RIMBP2: variants seen among roughly 807,000 people sequenced by gnomAD.
RIMBP2 encodes the protein RIMS-binding protein 2.
A neutral mutation model predicts 118.6 loss-of-function variants in RIMBP2; 48 were observed. That is an observed-to-expected ratio of 0.40 (90% CI 0.32 to 0.51). The LOEUF is 0.51. Among genes scored for constraint, RIMBP2 ranks in the 20% least tolerant of loss-of-function variants. RIMBP2 has a pLI of 0.41. For synonymous variants in RIMBP2, 762 were observed against 742.9 expected, an observed-to-expected ratio of 1.03 and a Z score of -0.42; for missense variants, 1,551 against 1,768.3, an observed-to-expected ratio of 0.88 and a Z score of 2.20.
chr12:130,622,283 C>G lies in RIMBP2; in HGVS notation c.-217+6039G>C, dbSNP rs1052035161. On this transcript the variant is annotated intron_variant, in intron 2 of 22. Transcript: ENST00000690449. The surrounding 1 kb of genome is among the most constrained non-coding windows in gnomAD (Gnocchi z 8.5). ...TAGGAGGTTCCGGGGAACAGAGTCC[C>G]CAAACATCACAAGTTTTGCCATCTC... is the stretch of plus-strand genomic sequence containing the variant. 6.6e-6 allele frequency among the ~76,000 whole-genome samples: 1 copy of G among 152,110 alleles called. No individual in the cohort carries two copies. The highest frequency in any genetic ancestry group is 1.5e-5 in the Non-Finnish European group (1 of 68,018).
chr12:130,413,089 G>A (rs893663260), intron 18 of RIMBP2, among the ~76,000 whole-genome samples: 1 of 152,070 alleles, frequency 6.6e-6, no homozygotes, highest in East Asian at 1.9e-4. Context: ...CACATTAAAA[G>A]GGTGTGTGAT....
At chr12:130,596,996 G>A (rs2059600070) in intron 2 of RIMBP2, among the ~76,000 whole-genome samples, 1 of 152,096 alleles carries the variant, frequency 6.6e-6, no homozygotes, top group African/African-American at 2.4e-5. Context: ...GTTTTGCTGG[G>A]GATTTCTAAC....
chr12:130,560,584 C>T (rs1051053448), intron 2 of RIMBP2, among the ~76,000 whole-genome samples: 10 of 152,220 alleles, frequency 6.6e-5, no homozygotes, highest in Admixed American at 3.9e-4. Context: ...CCATGGGTTA[C>T]GCTTTCCCCA....
At chr12:130,566,175 GCACACA>G (rs3047801) in intron 2 of RIMBP2, among the ~76,000 whole-genome samples, 7 of 148,212 alleles carry the variant, frequency 4.7e-5, no homozygotes, top group East Asian at 4.0e-4. Flanking sequence ...ATACACACAT[GCACACA>G]CACACACACA....
In RIMBP2 at chr12:130,445,156, A is replaced by G; in HGVS notation, c.691+4T>C. The G allele has an allele frequency of 6.3e-7, 1 of 1,588,354 alleles. No homozygotes were observed. The highest frequency in any genetic ancestry group is 8.6e-7 in the Non-Finnish European group (1 of 1,165,238). On this transcript the variant is annotated splice_donor_region_variant and intron_variant, in intron 10 of 22. Coordinates refer to ENST00000690449, the MANE Select transcript of RIMBP2 (RefSeq NM_001393629.1). ...GTCCGCCACAGCCATGTTCCAACAG[A>G]GACCTTCATAGAACCCATCCTCATC...
At chr12:130,487,865 G>A (rs918825563) in intron 4 of RIMBP2, among the ~76,000 whole-genome samples, 8 of 151,984 alleles carry the variant, frequency 5.3e-5, no homozygotes, top group African/African-American at 1.9e-4. Flanking sequence ...TAAAACATCT[G>A]TCCCACGCCC....
At chr12:130,456,747 T>G in intron 6 of RIMBP2, 47 bp from the exon 7 acceptor site, 2 of 1,429,626 alleles carry the variant, frequency 1.4e-6, no homozygotes, top group Non-Finnish European at 1.9e-6. Context: ...CATTTGGTGG[T>G]GGAAATGTGT....
chr12:130,571,435 TTGGA>T (rs2057649198), intron 2 of RIMBP2, among the ~76,000 whole-genome samples: 1 of 151,144 alleles, frequency 6.6e-6, no homozygotes, highest in African/African-American at 2.4e-5. Context: ...TTTTTTTTTT[TTGGA>T]GACAGAGTCT....
intron 10 of RIMBP2, among the ~76,000 whole-genome samples, chr12:130,443,954 A>G (rs1333949359): frequency 1.3e-5 from 2 of 152,304 alleles, no homozygotes; most frequent in East Asian, 1.9e-4. Flanking sequence ...TCTCCATTCT[A>G]TAGCAGAGGA....
chr12:130,404,034 T>C (rs568765208), intron 21 of RIMBP2, among the ~76,000 whole-genome samples: 7 of 152,342 alleles, frequency 4.6e-5, no homozygotes, highest in African/African-American at 1.7e-4. Context: ...GATTTCCTTA[T>C]CTCTGTTATT....
chr12:130,564,002 CCTGCTGTTCCT>C, intron 2 of RIMBP2, among the ~76,000 whole-genome samples: 3 of 150,946 alleles, frequency 2.0e-5, no homozygotes, highest in Non-Finnish European at 4.4e-5. Flanking sequence ...CACCAGCCTC[CCTGCTGTTCCT>C]ATACAAGTCA....
intron 2 of RIMBP2, among the ~76,000 whole-genome samples, chr12:130,520,679 A>AG (rs1440874172): frequency 1.3e-3 from 189 of 150,764 alleles, no homozygotes; most frequent in African/African-American, 4.2e-3. Flanking sequence ...TCTCAAAAAA[A>AG]AAAAAAAAAA....
chr12:130,634,153 C>A (rs562846522), intron 1 of RIMBP2, among the ~76,000 whole-genome samples: 1 of 152,186 alleles, frequency 6.6e-6, no homozygotes, highest in Non-Finnish European at 1.5e-5. Context: ...TTTCCTCAGT[C>A]GCTCTCTTCC....
chr12:130,676,538 G>A (rs565171639), intron 1 of RIMBP2, among the ~76,000 whole-genome samples: 1 of 151,750 alleles, frequency 6.6e-6, no homozygotes, highest in East Asian at 1.9e-4. Context: ...CAGGAGAATC[G>A]CTTGAACCCG....
intron 1 of RIMBP2, among the ~76,000 whole-genome samples, chr12:130,711,482 A>G (rs1471330723): frequency 1.3e-5 from 2 of 152,268 alleles, no homozygotes; most frequent in East Asian, 3.9e-4. Flanking sequence ...TTTTGTATCA[A>G]GATTATTCTG....
At chr12:130,694,234 GC>G (rs943736835) in intron 1 of RIMBP2, among the ~76,000 whole-genome samples, 1 of 152,180 alleles carries the variant, frequency 6.6e-6, no homozygotes, top group African/African-American at 2.4e-5. Context: ...AGGAGTCACT[GC>G]AAGGCCACTG....
At chr12:130,457,064 G>T (rs1214872815) in intron 6 of RIMBP2, among the ~76,000 whole-genome samples, 1 of 152,126 alleles carries the variant, frequency 6.6e-6, no homozygotes, top group African/African-American at 2.4e-5. Flanking sequence ...GGCTGTGCGT[G>T]CAGCCCGGGC....
intron 7 of RIMBP2, among the ~76,000 whole-genome samples, chr12:130,455,489 C>G (rs1470023676): frequency 6.6e-6 from 1 of 152,236 alleles, no homozygotes; most frequent in African/African-American, 2.4e-5. Flanking sequence ...CGCTCGGACC[C>G]TGGTCCCTGC....
intron 7 of RIMBP2, 25 bp from the exon 8 acceptor site, chr12:130,451,365 T>C: frequency 6.3e-7 from 1 of 1,586,100 alleles, no homozygotes; most frequent in Non-Finnish European, 8.6e-7. Context: ...TAAAACAAGT[T>C]GAAACAAATA....
Sources: allele counts gnomAD v4.1 joint callset (sites outside exome capture counted in the v4.1 genomes callset), GRCh38; gene constraint gnomAD v4.1.1; non-coding constraint Gnocchi (gnomAD v3.1); transcripts MANE v1.5; gene names NCBI Gene and HGNC (gene_info 2026-07-23, HGNC 2026-07-21).